The following REC114 variants were observed in gnomAD, a reference collection of about 807,000 sequenced individuals.
REC114 encodes REC114 meiotic recombination protein, also known as meiotic recombination protein REC114.
REC114 carries 27 observed loss-of-function variants against 31.3 expected under a neutral mutation model. That is an observed-to-expected ratio of 0.86 (90% CI 0.64 to 1.19). The LOEUF is 1.19. Among genes scored for constraint, REC114 ranks in the 50% most tolerant of loss-of-function variants. The pLI is 0.00. For synonymous variants in REC114, 134 were observed against 127.7 expected, an observed-to-expected ratio of 1.05 and a Z score of -0.33; for missense variants, 344 against 326.9, an observed-to-expected ratio of 1.05 and a Z score of -0.40.
chr15:73,517,143 T>G lies in REC114; in HGVS notation c.250-23342T>G, dbSNP rs925750143. ...CTTGGCTGTTTATGATCTTCAAGTC[T>G]TTTATTTAGCAATTAGGTATGCAAG... On this transcript the variant is annotated intron_variant, in intron 2 of 5. Transcript: ENST00000331090. Among the ~76,000 whole-genome samples the G allele has an allele frequency of 7.9e-5, 12 of 152,206 alleles. 1 individual carries two copies. The highest frequency in any genetic ancestry group is 2.9e-4 in the African/African-American group (12 of 41,450).
In REC114 at chr15:73,540,514, C is replaced by G. The variant is rs767925592; in HGVS notation, c.279C>G (p.Asp93Glu). 12 of 1,613,844 alleles carry G rather than the reference C, an allele frequency of 7.4e-6. No individual in the cohort carries two copies. Among genetic ancestry groups the G allele is most frequent in the Non-Finnish European group, 1.0e-5 (12 of 1,179,824 alleles). The stretch of plus-strand genomic sequence containing the variant: ...GGTTTTCACTCATTGGTAGCAAGGA[C>G]TGGTTGAAGATTGTAAGACGCGTGG... ...LEGFSLIGSK[D>E]WLKIVRRVDC... The change falls in exon 3 of 6, where the codon GAC (aspartate) becomes GAG (glutamate). Residue 93 changes from aspartate (D) to glutamate (E), a missense_variant. Transcript: ENST00000331090.
At chr15:73,500,339 T>G (rs957074258) in intron 2 of REC114, among the ~76,000 whole-genome samples, 1 of 131,540 alleles carries the variant, frequency 7.6e-6, no homozygotes, top group African/African-American at 2.7e-5. Flanking sequence ...CTTTCTTTCC[T>G]TCACAGAAAT....
chr15:73,544,870 C>T (rs1163734826), intron 3 of REC114, among the ~76,000 whole-genome samples: 1 of 152,204 alleles, frequency 6.6e-6, no homozygotes, highest in African/African-American at 2.4e-5. Context: ...AAATTTCTTA[C>T]CAACCTGGGT....
At chr15:73,539,824 G>A (rs116188145) in intron 2 of REC114, among the ~76,000 whole-genome samples, 1,641 of 152,166 alleles carry the variant, frequency 0.011, 36 homozygotes, top group African/African-American at 0.038. Context: ...CATAACTGGC[G>A]CTTAAGAGCT....
At position 73,473,898 on chromosome 15, in the gene REC114, A is replaced by AT. The variant is rs1893171963; in HGVS notation, c.230dup (p.Gln78ProfsTer14). ...CATAGTTATATCAGGTCATTTCTTC[A>AT]TTTTCCAAGGACAGACACTACTGGT... On this transcript the variant is annotated frameshift_variant, in exon 2 of 6. Coordinates refer to ENST00000331090, the MANE Select transcript of REC114 (RefSeq NM_001042367.2). LOFTEE classifies it high-confidence loss of function. 1.3e-6 allele frequency: 2 copies of AT among 1,583,170 alleles called. No individual in the cohort carries two copies. The highest frequency in any genetic ancestry group is 1.3e-5 in the African/African-American group (1 of 74,636).
intron 1 of REC114, among the ~76,000 whole-genome samples, chr15:73,472,779 A>G (rs1200239284): frequency 1.3e-5 from 2 of 152,148 alleles, no homozygotes; most frequent in Non-Finnish European, 2.9e-5. Flanking sequence ...GGTTGGAACT[A>G]TAGATCCAAT....
At chr15:73,523,375 G>T (rs1315843048) in intron 2 of REC114, among the ~76,000 whole-genome samples, 2 of 152,242 alleles carry the variant, frequency 1.3e-5, no homozygotes, top group Non-Finnish European at 2.9e-5. Context: ...AGAACAGCTG[G>T]AATGGTTACA....
intron 4 of REC114, among the ~76,000 whole-genome samples, chr15:73,552,330 T>G (rs545405494): frequency 6.6e-6 from 1 of 152,316 alleles, no homozygotes; most frequent in African/African-American, 2.4e-5. Context: ...TACAGCAAAC[T>G]GAATGCAGCA....
chr15:73,467,481 CTG>C (rs1259473338), intron 1 of REC114, among the ~76,000 whole-genome samples: 2 of 152,158 alleles, frequency 1.3e-5, no homozygotes, highest in Non-Finnish European at 2.9e-5. Context: ...GGATTAGGAT[CTG>C]TGTTTTGTTC....
chr15:73,480,266 AT>A (rs991769741), intron 2 of REC114, among the ~76,000 whole-genome samples: 2 of 151,586 alleles, frequency 1.3e-5, no homozygotes, highest in South Asian at 2.1e-4. Flanking sequence ...TCTTTTGCTA[AT>A]TTTTTTTATT....
chr15:73,530,907 T>G (rs767217053), intron 2 of REC114, among the ~76,000 whole-genome samples: 2 of 152,110 alleles, frequency 1.3e-5, no homozygotes, highest in African/African-American at 4.8e-5. Context: ...GCGCTTTTGG[T>G]GTTCTGGGCC....
chr15:73,509,492 T>C (rs1189404789), intron 2 of REC114, among the ~76,000 whole-genome samples: 3 of 150,638 alleles, frequency 2.0e-5, no homozygotes, highest in Admixed American at 1.3e-4. Context: ...TTGCTTTTGG[T>C]GTTTTGGACA....
intron 2 of REC114, among the ~76,000 whole-genome samples, chr15:73,538,253 C>T: frequency 6.6e-6 from 1 of 152,208 alleles, no homozygotes; most frequent in East Asian, 1.9e-4. Context: ...GTAAAACACA[C>T]ACTGGATTTC....
intron 2 of REC114, among the ~76,000 whole-genome samples, chr15:73,537,883 T>C (rs1894179691): frequency 6.6e-6 from 1 of 152,216 alleles, no homozygotes; most frequent in Non-Finnish European, 1.5e-5. Flanking sequence ...TGTGTATTAG[T>C]CCTCTAGTTC....
intron 1 of REC114, among the ~76,000 whole-genome samples, chr15:73,447,164 A>C (rs990350609): frequency 6.6e-6 from 1 of 152,170 alleles, no homozygotes; most frequent in Non-Finnish European, 1.5e-5. Context: ...TGAGGGAAAA[A>C]TCCAAGATGT....
chr15:73,458,327 G>T (rs1286732168), intron 1 of REC114, among the ~76,000 whole-genome samples: 2 of 152,224 alleles, frequency 1.3e-5, no homozygotes, highest in Non-Finnish European at 2.9e-5. Flanking sequence ...AACATAGGAA[G>T]TGGAAGAACG....
At chr15:73,464,686 A>G (rs1305764749) in intron 1 of REC114, among the ~76,000 whole-genome samples, 1 of 152,160 alleles carries the variant, frequency 6.6e-6, no homozygotes, top group African/African-American at 2.4e-5. Flanking sequence ...CAGAGCACAT[A>G]GTCTGGTCTG....
In REC114 at chr15:73,473,941, G is replaced by A. The variant is rs1893173184; in HGVS notation, c.249+20G>A. 1 of 1,415,914 alleles carries A rather than the reference G, an allele frequency of 7.1e-7. No individual in the cohort carries two copies. The highest frequency in any genetic ancestry group is 9.8e-7 in the Non-Finnish European group (1 of 1,021,480). 87.7% of individuals were successfully genotyped at this position (1,415,914 alleles called of 1,614,324 possible). On this transcript the variant is annotated intron_variant, in intron 2 of 5. Transcript: ENST00000331090. Reference sequence around the variant, plus strand: ...CTACTGGTAGGTTTTATGCATAACAGTTTAATATGGAAATACATCTTTGTC... The same window carrying A: ...CTACTGGTAGGTTTTATGCATAACAATTTAATATGGAAATACATCTTTGTC...
At chr15:73,507,317 G>T (rs567078566) in intron 2 of REC114, among the ~76,000 whole-genome samples, 6 of 152,274 alleles carry the variant, frequency 3.9e-5, no homozygotes, top group African/African-American at 1.4e-4. Flanking sequence ...GGATGGCTTT[G>T]AAAGCAGCCT....
Sources: allele counts gnomAD v4.1 joint callset (sites outside exome capture counted in the v4.1 genomes callset), GRCh38; gene constraint gnomAD v4.1.1; transcripts MANE v1.5; gene names NCBI Gene and HGNC (gene_info 2026-07-23, HGNC 2026-07-21).